ALCAM: variants seen among roughly 807,000 people sequenced by gnomAD.
The protein encoded by ALCAM is CD166 antigen.
In ALCAM, 30 loss-of-function variants were observed where a neutral mutation model predicts 70.9. The observed-to-expected ratio is 0.42, with a 90% confidence interval of 0.32 to 0.57. ALCAM has a LOEUF of 0.57. ALCAM is among the 20% of genes least tolerant of loss of function. The pLI, the probability that ALCAM is intolerant of heterozygous loss-of-function variation, is 0.11. For missense variants in ALCAM, 591 were observed against 695.1 expected, an observed-to-expected ratio of 0.85 and a Z score of 1.68; for synonymous variants, 249 against 242.5, an observed-to-expected ratio of 1.03 and a Z score of -0.25.
In ALCAM at chr3:105,375,500, G is replaced by A. The variant is rs535879044; in HGVS notation, c.73+8019G>A. 6.2e-4 allele frequency among the ~76,000 whole-genome samples: 94 copies of A among 152,130 alleles called. 1 individual carries two copies. The highest frequency in any genetic ancestry group is 1.2e-3 in the Non-Finnish European group (80 of 68,028). ...TCAGGTATAAGAAAGAAAGATGTGA[G>A]GTTGTAGCCTCTAGAATTCCAGAAT... is the stretch of plus-strand genomic sequence containing the variant. On this transcript the variant is annotated intron_variant, in intron 1 of 15. Transcript: ENST00000306107.
intron 1 of ALCAM, among the ~76,000 whole-genome samples, chr3:105,519,664 G>T (rs1470036662): frequency 1.3e-5 from 2 of 152,018 alleles, no homozygotes; most frequent in Admixed American, 6.6e-5. Flanking sequence ...CTAGTTTTGA[G>T]AATTTTAATC....
intron 1 of ALCAM, among the ~76,000 whole-genome samples, chr3:105,517,648 A>G (rs1183375804): frequency 6.6e-6 from 1 of 152,144 alleles, no homozygotes; most frequent in African/African-American, 2.4e-5. Flanking sequence ...TTGTCATTCC[A>G]TCTGTGAATT....
chr3:105,492,742 T>G (rs997891560), intron 1 of ALCAM, among the ~76,000 whole-genome samples: 1 of 152,178 alleles, frequency 6.6e-6, no homozygotes, highest in Non-Finnish European at 1.5e-5. Context: ...GTTCTATTTT[T>G]GGGGTATTAA....
chr3:105,552,352 A>G (rs1313764541), intron 13 of ALCAM, 116 bp from the exon 14 acceptor site: 4 of 1,288,428 alleles, frequency 3.1e-6, no homozygotes, highest in African/African-American at 1.5e-5. Context: ...ACAAGTTTGC[A>G]TGTTAATTAC....
chr3:105,563,049 G>T (rs950434101), intron 14 of ALCAM, among the ~76,000 whole-genome samples: 1 of 151,752 alleles, frequency 6.6e-6, no homozygotes, highest in African/African-American at 2.4e-5. Flanking sequence ...CAGGTGATCC[G>T]CCCTCCTTGG....
rs747372908 is a variant in ALCAM, at chr3:105,524,333, T to C, written c.219T>C (p.Ser73=). The C allele has an allele frequency of 1.9e-6, 3 of 1,614,166 alleles. No homozygotes were observed. The South Asian group carries it at 3.3e-5, about 18-fold the overall frequency. The change falls in exon 3 of 16, where the codon TCT becomes TCC. Residue 73 remains serine (S), a synonymous_variant. Transcript: ENST00000306107. ...CAGTATTTATTGCCTTCAGATCCTC[T>C]ACAAAGAAAAGTGTGCAGTACGACG... is the stretch of plus-strand genomic sequence containing the variant. ...GSPVFIAFRS[S]TKKSVQYDDV...
intron 1 of ALCAM, among the ~76,000 whole-genome samples, chr3:105,479,121 AC>A (rs1938199813): frequency 6.6e-6 from 1 of 152,146 alleles, no homozygotes. Flanking sequence ...ATCACAGGAA[AC>A]TTTTCTTTAA....
chr3:105,546,840 A>C (rs1177633074), intron 9 of ALCAM, among the ~76,000 whole-genome samples: 5 of 151,236 alleles, frequency 3.3e-5, no homozygotes, highest in Non-Finnish European at 1.5e-5. Context: ...TAATAGGATT[A>C]TTTTCTGTAT....
Position 105,533,685 on chromosome 3 carries a change from A to G in ALCAM, c.542A>G (p.Glu181Gly). The G allele has an allele frequency of 2.5e-6, 4 of 1,610,852 alleles. No homozygotes were observed. The highest frequency in any genetic ancestry group is 3.4e-6 in the Non-Finnish European group (4 of 1,177,764). Residue 181 changes from glutamate to glycine, a missense_variant, in exon 5 of 16, where the codon GAA becomes GGA. Around this residue, in one of 2 missense-constraint regions of ALCAM, gnomAD observed 427 missense variants for 450.4 expected, o/e 0.95. Coordinates refer to ENST00000306107, the MANE Select transcript of ALCAM (RefSeq NM_001627.4). ...YRNGKVLHPL[E>G]GAVVIIFKKE... is the part of the protein sequence containing the mutation. ...AATGGAAAAGTGCTACATCCCCTTG[A>G]AGGAGGTGGGTGTGAGGGCAGGAGG...
chr3:105,545,810 T>C (rs1940232725), intron 9 of ALCAM, among the ~76,000 whole-genome samples: 1 of 151,404 alleles, frequency 6.6e-6, no homozygotes. Flanking sequence ...GGCCAGACCT[T>C]ACTGAGTATG....
intron 14 of ALCAM, among the ~76,000 whole-genome samples, chr3:105,559,202 A>G (rs1940579983): frequency 6.7e-6 from 1 of 148,166 alleles, no homozygotes; most frequent in Non-Finnish European, 1.5e-5. Flanking sequence ...CTTATATAAT[A>G]TATACATATA....
chr3:105,430,612 A>G (rs910435414), intron 1 of ALCAM, among the ~76,000 whole-genome samples: 2 of 152,022 alleles, frequency 1.3e-5, no homozygotes, highest in African/African-American at 4.8e-5. Context: ...TCCCCTGGCT[A>G]AGTTGGTGTT....
intron 3 of ALCAM, among the ~76,000 whole-genome samples, chr3:105,525,633 T>C (rs1440564059): frequency 6.6e-6 from 1 of 152,182 alleles, no homozygotes; most frequent in Non-Finnish European, 1.5e-5. Context: ...TTTTCCTGTT[T>C]CTCTTGTAAT....
intron 1 of ALCAM, among the ~76,000 whole-genome samples, chr3:105,506,469 A>G (rs966836627): frequency 5.9e-5 from 9 of 152,152 alleles, no homozygotes; most frequent in Non-Finnish European, 1.2e-4. Context: ...AAGCATTGGG[A>G]GTTGTTTCAG....
At position 105,381,929 on chromosome 3, in the gene ALCAM, A is replaced by T. The variant is rs142692649; in HGVS notation, c.73+14448A>T. The stretch of plus-strand genomic sequence containing the variant: ...TTTATTTTACTTTATTTTTTTATTT[A>T]TTTTTTCTTTTTTATTATTATTATT... On this transcript the variant is annotated intron_variant, in intron 1 of 15. Transcript: ENST00000306107. Among the ~76,000 whole-genome samples the T allele has an allele frequency of 2.1e-3, 310 of 149,698 alleles. 3 individuals carry two copies. In the East Asian group the frequency reaches 0.031, roughly 15 times the overall value.
intron 1 of ALCAM, among the ~76,000 whole-genome samples, chr3:105,467,872 C>A (rs1559801591): frequency 6.6e-6 from 1 of 151,234 alleles, no homozygotes; most frequent in Non-Finnish European, 1.5e-5. Context: ...CTACTGCCTT[C>A]AAGCACTTAT....
Position 105,547,262 on chromosome 3 carries a change from G to C in ALCAM, c.1218G>C (p.Glu406Asp), listed in dbSNP as rs201544285. The change falls in exon 10 of 16, where the codon GAG becomes GAC. Residue 406 changes from glutamate (E) to aspartate (D), a missense_variant. This residue lies in a region of ALCAM where 164 missense variants were observed against 244.7 expected (regional missense o/e 0.67). Transcript: ENST00000306107. ...LQEVEGLKKR[E>D]SLTLIVEGKP... ...AGGTTGAAGGACTAAAGAAAAGAGA[G>C]TCATTGACTCTCATTGTAGAAGGTA... 64 of 1,599,614 alleles carry C rather than the reference G, an allele frequency of 4.0e-5. No homozygotes were observed. Among genetic ancestry groups the C allele is most frequent in the Admixed American group, 1.6e-4 (9 of 57,198 alleles).
intron 3 of ALCAM, among the ~76,000 whole-genome samples, chr3:105,525,999 A>G (rs561648868): frequency 2.6e-4 from 39 of 152,328 alleles, no homozygotes; most frequent in Admixed American, 2.5e-3. Flanking sequence ...TATTAGAAAG[A>G]TGAATAGTGC....
At chr3:105,410,348 A>G (rs1451758117) in intron 1 of ALCAM, among the ~76,000 whole-genome samples, 1 of 152,084 alleles carries the variant, frequency 6.6e-6, no homozygotes, top group East Asian at 1.9e-4. Flanking sequence ...AGTGTCTACC[A>G]AGACATCTAC....
Sources: allele counts gnomAD v4.1 joint callset (sites outside exome capture counted in the v4.1 genomes callset), GRCh38; gene constraint gnomAD v4.1.1; regional missense constraint gnomAD v4.1.1; transcripts MANE v1.5; gene names NCBI Gene and HGNC (gene_info 2026-07-23, HGNC 2026-07-21).